The following XKR4 variants were observed in gnomAD, a reference collection of about 807,000 sequenced individuals.
XKR4 encodes the protein XK related 4, also known as XK-related protein 4.
XKR4 carries 12 observed loss-of-function variants against 53.9 expected under a neutral mutation model. That is an observed-to-expected ratio of 0.22 (90% CI 0.14 to 0.36). The LOEUF is 0.36. Ranked by LOEUF, XKR4 falls within the 10% of genes least tolerant of loss-of-function variation. XKR4 has a pLI of 1.00. For synonymous variants in XKR4, 354 were observed against 362.4 expected (o/e 0.98, Z 0.26); for missense variants, 799 against 859.5 (o/e 0.93, Z 0.88).
intron 1 of XKR4, among the ~76,000 whole-genome samples, chr8:55,179,163 T>C (rs1003446671): frequency 1.3e-5 from 2 of 152,088 alleles, no homozygotes; most frequent in African/African-American, 4.8e-5. Flanking sequence ...ATCCTGACAA[T>C]AAAAACTGAA....
At position 55,532,891 on chromosome 8, in the gene XKR4, C is replaced by T. The variant is rs891144389; in HGVS notation, c.*8664C>T. ...CTACCAAATTGTTGACCTTCTCCTC[C>T]TCTCCATTGCTTAATTTATATTAAA... On this transcript the variant is annotated 3_prime_UTR_variant, in exon 3 of 3. Transcript: ENST00000327381. The T allele has an allele frequency of 5.3e-5, 8 of 151,530 alleles. No homozygotes were observed. Among genetic ancestry groups the T allele is most frequent in the African/African-American group, 1.9e-4 (8 of 41,234 alleles). The allele number at this position is 151,530 out of a possible 1,614,324, so 9.4% of individuals were successfully genotyped here.
At chr8:55,416,828 A>G (rs1281211833) in intron 2 of XKR4, among the ~76,000 whole-genome samples, 1 of 152,270 alleles carries the variant, frequency 6.6e-6, no homozygotes, top group Non-Finnish European at 1.5e-5. Flanking sequence ...CCAAGTCTAC[A>G]GTTTTTAACT....
chr8:55,533,524 T>C lies in XKR4; in HGVS notation c.*9297T>C, dbSNP rs1806984983. On this transcript the variant is annotated 3_prime_UTR_variant, in exon 3 of 3. Transcript: ENST00000327381. ...TCTGAATCGGAAGCTTGGGGCTCTGTGGAAAGATGTAAATCCCTCCTGCTG... is the reference window on the plus strand; with the variant it reads ...TCTGAATCGGAAGCTTGGGGCTCTGCGGAAAGATGTAAATCCCTCCTGCTG... 6.6e-6 allele frequency: 1 copy of C among 152,176 alleles called. No homozygotes were observed. The highest frequency in any genetic ancestry group is 6.5e-5 in the Admixed American group (1 of 15,274). 9.4% of individuals were successfully genotyped at this position (152,176 alleles called of 1,614,324 possible).
At chr8:55,170,041 G>A (rs1252948768) in intron 1 of XKR4, among the ~76,000 whole-genome samples, 1 of 152,154 alleles carries the variant, frequency 6.6e-6, no homozygotes, top group Non-Finnish European at 1.5e-5. Flanking sequence ...ACAGGCAATA[G>A]TTCTCCTTCC....
At chr8:55,450,140 A>G in intron 2 of XKR4, 1 of 686,594 alleles carries the variant, frequency 1.5e-6, no homozygotes, top group Admixed American at 1.8e-5. Context: ...TCTGTCTCCA[A>G]CCTCTGCAGG....
intron 1 of XKR4, among the ~76,000 whole-genome samples, chr8:55,173,068 T>A (rs1585919123): frequency 6.6e-6 from 1 of 152,214 alleles, no homozygotes; most frequent in Non-Finnish European, 1.5e-5. Context: ...AAATGCTCAC[T>A]TCTTAACCTC....
intron 2 of XKR4, among the ~76,000 whole-genome samples, chr8:55,495,095 G>C (rs1585605386): frequency 6.6e-6 from 1 of 152,192 alleles, no homozygotes; most frequent in South Asian, 2.1e-4. Context: ...GTCCAGAGCG[G>C]GCTGAGGTAG....
In XKR4 at chr8:55,336,081, A is replaced by G. The variant is rs114085269; in HGVS notation, c.807-21597A>G. Reference sequence around the variant, plus strand: ...AAAAGAAAAGAAAAACAGAGTACTTATAAAAGTGGGTGATATGGTTTGGCT... The same window carrying G: ...AAAAGAAAAGAAAAACAGAGTACTTGTAAAAGTGGGTGATATGGTTTGGCT... On this transcript the variant is annotated intron_variant, in intron 1 of 2. Coordinates refer to ENST00000327381, the MANE Select transcript of XKR4 (RefSeq NM_052898.2). Among the ~76,000 whole-genome samples, 319 of 150,426 alleles carry G rather than the reference A, an allele frequency of 2.1e-3. 2 individuals carry two copies. The highest frequency in any genetic ancestry group is 7.3e-3 in the African/African-American group (298 of 41,090).
intron 1 of XKR4, among the ~76,000 whole-genome samples, chr8:55,327,004 G>A (rs900785383): frequency 6.6e-6 from 1 of 151,956 alleles, no homozygotes; most frequent in Non-Finnish European, 1.5e-5. Context: ...CATCTTATTC[G>A]AGAAAAAGAC....
At chr8:55,312,634 G>A (rs1045046563) in intron 1 of XKR4, among the ~76,000 whole-genome samples, 1 of 152,166 alleles carries the variant, frequency 6.6e-6, no homozygotes, top group African/African-American at 2.4e-5. Context: ...TGGAATGTCG[G>A]TAGAACAATA....
At chr8:55,123,054 G>A (rs1440147236) in intron 1 of XKR4, among the ~76,000 whole-genome samples, 1 of 152,138 alleles carries the variant, frequency 6.6e-6, no homozygotes, top group Non-Finnish European at 1.5e-5. Flanking sequence ...GTGGAACAGG[G>A]TTATTGATTC....
chr8:55,135,461 C>T (rs571853765), intron 1 of XKR4: 1 of 357,438 alleles, frequency 2.8e-6, no homozygotes, highest in African/African-American at 2.1e-5. Flanking sequence ...ATCTAAGGGT[C>T]CCCCCAAATC....
At chr8:55,144,284 C>T (rs560808151) in intron 1 of XKR4, among the ~76,000 whole-genome samples, 1 of 152,148 alleles carries the variant, frequency 6.6e-6, no homozygotes, top group East Asian at 1.9e-4. Context: ...ATTATGCTTT[C>T]TTTAATTTTC....
At chr8:55,391,129 A>T (rs138452338) in intron 2 of XKR4, among the ~76,000 whole-genome samples, 1 of 152,204 alleles carries the variant, frequency 6.6e-6, no homozygotes, top group Non-Finnish European at 1.5e-5. Context: ...GTCTCACAAC[A>T]TTCTCTTTCT....
chr8:55,468,385 T>A (rs931001733), intron 2 of XKR4, among the ~76,000 whole-genome samples: 4 of 152,132 alleles, frequency 2.6e-5, no homozygotes, highest in Non-Finnish European at 5.9e-5. Flanking sequence ...GAAGCCAACT[T>A]TTTCTAGAGT....
intron 2 of XKR4, among the ~76,000 whole-genome samples, chr8:55,463,650 A>G (rs976546497): frequency 3.9e-5 from 6 of 152,122 alleles, no homozygotes; most frequent in African/African-American, 1.4e-4. Context: ...GGAAATAGAG[A>G]AATAAAAAAC....
At chr8:55,485,138 C>T (rs971659642) in intron 2 of XKR4, among the ~76,000 whole-genome samples, 1 of 152,182 alleles carries the variant, frequency 6.6e-6, no homozygotes, top group African/African-American at 2.4e-5. Flanking sequence ...CTACAAAAAC[C>T]TACAGTTTAC....
At chr8:55,514,399 G>C (rs897392685) in intron 2 of XKR4, among the ~76,000 whole-genome samples, 4 of 152,048 alleles carry the variant, frequency 2.6e-5, no homozygotes, top group Admixed American at 6.5e-5. Context: ...TGGGATTACA[G>C]GCATGTGCCA....
chr8:55,233,692 A>C (rs1161583731), intron 1 of XKR4, among the ~76,000 whole-genome samples: 1 of 152,262 alleles, frequency 6.6e-6, no homozygotes, highest in Admixed American at 6.5e-5. Flanking sequence ...CTGTGATTTT[A>C]AGGAAAATGC....
Sources: allele counts gnomAD v4.1 joint callset (sites outside exome capture counted in the v4.1 genomes callset), GRCh38; gene constraint gnomAD v4.1.1; transcripts MANE v1.5; gene names NCBI Gene and HGNC (gene_info 2026-07-23, HGNC 2026-07-21).